ARID1A: variants seen among roughly 807,000 people sequenced by gnomAD.
The protein encoded by ARID1A is AT-rich interactive domain-containing protein 1A.
ARID1A carries 20 observed loss-of-function variants against 212.6 expected under a neutral mutation model. The ratio of observed to expected loss-of-function variants is 0.09; its 90% CI spans 0.07 to 0.14. The LOEUF (loss-of-function observed/expected upper bound fraction) is 0.14, where lower values mean the gene tolerates loss of function less well. ARID1A is among the 10% of genes least tolerant of loss of function. The pLI is 1.00. For synonymous variants in ARID1A, 1,376 were observed against 1,222.1 expected (o/e 1.13, Z -2.63); for missense variants, 2,587 against 3,059.0 (o/e 0.85, Z 3.64).
At position 26,779,332 on chromosome 1, in the gene ARID1A, C is replaced by G; in HGVS notation, c.5434C>G (p.Leu1812Val). 6.2e-7 allele frequency: 1 copy of G among 1,614,222 alleles called. No homozygotes were observed. Among genetic ancestry groups the G allele is most frequent in the Non-Finnish European group, 8.5e-7 (1 of 1,180,046 alleles). ...GAAGCTGATCAGTAAGTTTGACAAG[C>G]TTCCAGTAAAGATCGTACAGAAGAA... ...EEKLISKFDK[L>V]PVKIVQKNDP... The change falls in exon 20 of 20, where the codon CTT becomes GTT. Residue 1812 changes from leucine (L) to valine (V), a missense_variant. This residue lies in a region of ARID1A where 890 missense variants were observed against 1,098.2 expected (regional missense o/e 0.81). Coordinates refer to ENST00000324856, the MANE Select transcript of ARID1A (RefSeq NM_006015.6).
chr1:26,779,080 T>TCG lies in ARID1A; in HGVS notation c.5182_5183insCG (p.Phe1728SerfsTer5). 1 of 1,516,208 alleles carries TCG rather than the reference T, an allele frequency of 6.6e-7. No individual in the cohort carries two copies. Among genetic ancestry groups the TCG allele is most frequent in the Non-Finnish European group, 8.8e-7 (1 of 1,132,248 alleles). The allele number at this position is 1,516,208 out of a possible 1,614,324, so 93.9% of individuals were successfully genotyped here. A position where few individuals can be genotyped will look rare whatever the true frequency, so the allele number is the denominator to read the frequency against. On this transcript the variant is annotated frameshift_variant, in exon 20 of 20. Coordinates refer to ENST00000324856, the MANE Select transcript of ARID1A (RefSeq NM_006015.6). LOFTEE classifies it high-confidence loss of function. ...TTTCCGACGATGCCTGATTGAGATCTTTGGCATTTTAAAGGAGTATGAGGT... is the reference window on the plus strand; with the variant it reads ...TTTCCGACGATGCCTGATTGAGATCTCGTTGGCATTTTAAAGGAGTATGAGGT...
chr1:26,697,223 A>G lies in ARID1A; in HGVS notation c.820A>G (p.Met274Val), dbSNP rs1471459439. 3.6e-6 allele frequency: 5 copies of G among 1,381,006 alleles called. No homozygotes were observed. Among genetic ancestry groups the G allele is most frequent in the Non-Finnish European group, 3.7e-6 (4 of 1,073,722 alleles). The allele number at this position is 1,381,006 out of a possible 1,614,324, so 85.5% of individuals were successfully genotyped here. A position where few individuals can be genotyped will look rare whatever the true frequency, so the allele number is the denominator to read the frequency against. Residue 274 changes from methionine to valine, a missense_variant, in exon 1 of 20, where the codon ATG (methionine) becomes GTG (valine). Physicochemically the swap from Met to Val is conservative, Grantham distance 21. Transcript: ENST00000324856. ...SSFAQQRFGA[M>V]GGGGPSAAGG... Reference sequence around the variant, plus strand: ...CTTCGCTCAGCAGCGCTTCGGGGCCATGGGGGGAGGCGGCCCCTCCGCGGC... The same window carrying G: ...CTTCGCTCAGCAGCGCTTCGGGGCCGTGGGGGGAGGCGGCCCCTCCGCGGC...
intron 1 of ARID1A, among the ~76,000 whole-genome samples, chr1:26,722,286 C>T (rs1446821273): frequency 6.6e-6 from 1 of 152,110 alleles, no homozygotes. Flanking sequence ...TGCTCTGTCA[C>T]CCAGGCTGGA....
intron 1 of ARID1A, among the ~76,000 whole-genome samples, chr1:26,702,260 C>T (rs1180827787): frequency 6.6e-6 from 1 of 152,192 alleles, no homozygotes; most frequent in African/African-American, 2.4e-5. Flanking sequence ...TTTCTCATCG[C>T]TATGGTTTAA....
Position 26,781,933 on chromosome 1 carries a change from A to AT in ARID1A, c.*1183dup, listed in dbSNP as rs1322377873. 4 of 233,508 alleles carry AT rather than the reference A, an allele frequency of 1.7e-5. No homozygotes were observed. The highest frequency in any genetic ancestry group is 5.6e-5 in the Admixed American group (1 of 17,782). 14.5% of individuals were successfully genotyped at this position (233,508 alleles called of 1,614,324 possible). ...GTTCTGATGAAGAAACACAATTGAG[A>AT]TTTTTTCAGTGATAAAATCTGCATA... On this transcript the variant is annotated 3_prime_UTR_variant, in exon 20 of 20. Coordinates refer to ENST00000324856, the MANE Select transcript of ARID1A (RefSeq NM_006015.6).
chr1:26,698,602 C>G (rs1446664994), intron 1 of ARID1A, among the ~76,000 whole-genome samples: 1 of 152,210 alleles, frequency 6.6e-6, no homozygotes, highest in Non-Finnish European at 1.5e-5. Context: ...TTTATGCAGC[C>G]TGAAATGAAT....
At chr1:26,770,313 G>C (rs1244586146) in intron 11 of ARID1A, 1 of 152,092 alleles carries the variant, frequency 6.6e-6, no homozygotes, top group Non-Finnish European at 1.5e-5. Context: ...GGGAGCAGTG[G>C]CACAAGAATG....
At chr1:26,725,464 C>T (rs1196073292) in intron 1 of ARID1A, among the ~76,000 whole-genome samples, 2 of 152,134 alleles carry the variant, frequency 1.3e-5, no homozygotes, top group Non-Finnish European at 1.5e-5. Context: ...GAGCAGATGT[C>T]TAACTTTTAC....
chr1:26,778,216 A>T (rs1051101779), intron 19 of ARID1A: 1 of 151,854 alleles, frequency 6.6e-6, no homozygotes, highest in Non-Finnish European at 1.5e-5. Flanking sequence ...GCCAACTGAG[A>T]TCACACCACT....
At chr1:26,721,872 G>C (rs2080568155) in intron 1 of ARID1A, among the ~76,000 whole-genome samples, 1 of 152,172 alleles carries the variant, frequency 6.6e-6, no homozygotes, top group Non-Finnish European at 1.5e-5. Context: ...CTGTGAGGTG[G>C]TTATTATGGT....
At chr1:26,731,808 AATG>A (rs1265113381) in intron 3 of ARID1A, among the ~76,000 whole-genome samples, 1 of 152,220 alleles carries the variant, frequency 6.6e-6, no homozygotes, top group Non-Finnish European at 1.5e-5. Flanking sequence ...AGCTCTCCTT[AATG>A]ATGAAGAAAT....
chr1:26,761,215 C>G (rs1398716732), intron 5 of ARID1A, 119 bp downstream of exon 5: 6 of 1,497,286 alleles, frequency 4.0e-6, no homozygotes, highest in Non-Finnish European at 5.4e-6. Context: ...CATAGTTTCC[C>G]CTTAGCATTT....
intron 19 of ARID1A, among the ~76,000 whole-genome samples, chr1:26,776,238 A>G (rs2081134334): frequency 6.7e-6 from 1 of 149,838 alleles, no homozygotes; most frequent in Non-Finnish European, 1.5e-5. Flanking sequence ...AGTTTTCCTT[A>G]GATGTAGAGT....
At chr1:26,737,968 T>C (rs1355488034) in intron 4 of ARID1A, among the ~76,000 whole-genome samples, 1 of 152,076 alleles carries the variant, frequency 6.6e-6, no homozygotes. Context: ...CCCAGGTGAA[T>C]CCCGATTTGC....
At chr1:26,732,606 T>C in intron 3 of ARID1A, 70 bp from the exon 4 acceptor site, 2 of 1,271,594 alleles carry the variant, frequency 1.6e-6, no homozygotes, top group Non-Finnish European at 2.3e-6. Context: ...CCATAACCCT[T>C]TCACAGTGAA....
chr1:26,773,658 C>T lies in ARID1A; in HGVS notation c.3945C>T (p.Asp1315=), dbSNP rs375663064. ...CGAATCTCATGCCTTCCAACCCAGA[C>T]TCGGGGATGTATTCTCCTAGCCGCT... is the stretch of plus-strand genomic sequence containing the variant. ...PQPNLMPSNP[D]SGMYSPSRYP... Residue 1315 remains aspartate, a synonymous_variant, in exon 16 of 20, where the codon GAC becomes GAT. Coordinates refer to ENST00000324856, the MANE Select transcript of ARID1A (RefSeq NM_006015.6). 2.0e-5 allele frequency: 33 copies of T among 1,614,072 alleles called. No individual in the cohort carries two copies. The highest frequency in any genetic ancestry group is 3.3e-5 in the South Asian group (3 of 91,090).
At position 26,774,614 on chromosome 1, in the gene ARID1A, C is replaced by T. The variant is rs1381141193; in HGVS notation, c.4387C>T (p.Arg1463Cys). The part of the protein sequence containing the change: ...NQFPFQFGRD[R>C]VSAPPGTNAQ... ...ATTTCCATTCCAGTTTGGCCGAGAC[C>T]GTGTCTCTGCACCCCCTGGCACCAA... Residue 1463 changes from arginine to cysteine, a missense_variant, in exon 18 of 20, where the codon CGT becomes TGT. This residue lies in a region of ARID1A where 890 missense variants were observed against 1,098.2 expected (regional missense o/e 0.81). Coordinates refer to ENST00000324856, the MANE Select transcript of ARID1A (RefSeq NM_006015.6). This position sits in a 1 kb window ranked among gnomAD's most constrained non-coding sequence, Gnocchi z 5.6. 5.0e-6 allele frequency: 8 copies of T among 1,614,094 alleles called. No individual in the cohort carries two copies. Among genetic ancestry groups the T allele is most frequent in the South Asian group, 1.1e-5 (1 of 91,092 alleles).
In ARID1A at chr1:26,781,559, C is replaced by CCT. The variant is rs930738590; in HGVS notation, c.*806_*807dup. 2.6e-4 allele frequency: 61 copies of CCT among 233,606 alleles called. No homozygotes were observed. Among genetic ancestry groups the CCT allele is most frequent in the African/African-American group, 1.1e-3 (50 of 45,446 alleles). The allele number at this position is 233,606 out of a possible 1,614,324, so 14.5% of individuals were successfully genotyped here. On this transcript the variant is annotated 3_prime_UTR_variant, in exon 20 of 20. Transcript: ENST00000324856. ...GATTGTATGAATAACCCTGAGATCA[C>CCT]CTCTTAGAACTGGTTTTAACCTTTA...
rs575700174 is a variant in ARID1A, at chr1:26,696,152, G to A, written c.-252G>A. ...GAGAGCCGGGTCCCGAGCCTACAGAGCCGGGAGCAGCTGAGCCGCCGGCGC... is the reference window on the plus strand; with the variant it reads ...GAGAGCCGGGTCCCGAGCCTACAGAACCGGGAGCAGCTGAGCCGCCGGCGC... On this transcript the variant is annotated 5_prime_UTR_variant, in exon 1 of 20. Coordinates refer to ENST00000324856, the MANE Select transcript of ARID1A (RefSeq NM_006015.6). 3 of 497,050 alleles carry A rather than the reference G, an allele frequency of 6.0e-6. No individual in the cohort carries two copies. The highest frequency in any genetic ancestry group is 9.0e-5 in the South Asian group (1 of 11,090). The allele number at this position is 497,050 out of a possible 1,614,324, so 30.8% of individuals were successfully genotyped here. A position where few individuals can be genotyped will look rare whatever the true frequency, so the allele number is the denominator to read the frequency against.
Sources: gnomAD v4.1 joint callset for allele counts (sites outside exome capture counted in the v4.1 genomes callset) on GRCh38, gnomAD v4.1.1 for gene constraint, gnomAD v4.1.1 regional missense constraint, Gnocchi (gnomAD v3.1) non-coding constraint, MANE v1.5 for transcripts, NCBI Gene and HGNC (gene_info 2026-07-23, HGNC 2026-07-21) for gene names.